The following KCNJ6 variants were observed in gnomAD, a reference collection of about 807,000 sequenced individuals.
KCNJ6 encodes potassium inwardly rectifying channel subfamily J member 6, also known as G protein-activated inward rectifier potassium channel 2.
A neutral mutation model predicts 34.2 loss-of-function variants in KCNJ6; 9 were observed. That is an observed-to-expected ratio of 0.26 (90% CI 0.16 to 0.46). KCNJ6 has a LOEUF of 0.46. KCNJ6 is among the 20% of genes least tolerant of loss of function. The probability of loss-of-function intolerance (pLI) is 1.00; values close to 1 mark genes in which losing one functional copy is unlikely to be tolerated. For synonymous variants in KCNJ6, 196 were observed against 207.1 expected, an observed-to-expected ratio of 0.95 and a Z score of 0.46; for missense variants, 236 against 531.3, an observed-to-expected ratio of 0.44 and a Z score of 5.46.
Position 37,859,485 on chromosome 21 carries a change from CTTTATATATATA to C in KCNJ6, c.-27-18788_-27-18777del, listed in dbSNP as rs1326780523. Among the ~76,000 whole-genome samples, 5 of 20,086 alleles carry C rather than the reference CTTTATATATATA, an allele frequency of 2.5e-4. 1 individual carries two copies. The highest frequency in any genetic ancestry group is 1.0e-3 in the African/African-American group (5 of 4,852). 13.2% of individuals were successfully genotyped at this position (20,086 alleles called of 152,430 possible). On this transcript the variant is annotated intron_variant, in intron 1 of 3. Transcript: ENST00000609713. ...CAATTTTAACTATGGGCTTATATTA[CTTTATATATATA>C]TATATATATATATATATATATATAT...
At chr21:37,903,930 T>A (rs914082308) in intron 1 of KCNJ6, among the ~76,000 whole-genome samples, 1 of 152,184 alleles carries the variant, frequency 6.6e-6, no homozygotes, top group Non-Finnish European at 1.5e-5. Context: ...AAAGGACAAT[T>A]TACTTTATAT....
At chr21:37,887,445 C>G (rs2055741465) in intron 1 of KCNJ6, among the ~76,000 whole-genome samples, 1 of 152,230 alleles carries the variant, frequency 6.6e-6, no homozygotes, top group Non-Finnish European at 1.5e-5. Context: ...AGGCCAGTTA[C>G]TGTTCCAGGT....
chr21:37,729,405 C>A (rs570344098), intron 2 of KCNJ6, among the ~76,000 whole-genome samples: 2 of 152,170 alleles, frequency 1.3e-5, no homozygotes, highest in Admixed American at 1.3e-4. Flanking sequence ...CTCACTGTAG[C>A]CTCAACCTTC....
chr21:37,661,509 A>G (rs896945685), intron 3 of KCNJ6, among the ~76,000 whole-genome samples: 5 of 152,048 alleles, frequency 3.3e-5, no homozygotes, highest in African/African-American at 9.7e-5. Context: ...TAAAGATTGG[A>G]ACAGAAGTAA....
chr21:37,808,024 T>C (rs182298160), intron 2 of KCNJ6, among the ~76,000 whole-genome samples: 10 of 152,288 alleles, frequency 6.6e-5, no homozygotes, highest in African/African-American at 2.2e-4. Context: ...TTATGGCCAA[T>C]TGTGACCCTC....
intron 2 of KCNJ6, among the ~76,000 whole-genome samples, chr21:37,738,494 T>C (rs554126018): frequency 3.9e-5 from 6 of 152,326 alleles, no homozygotes; most frequent in Middle Eastern, 6.8e-3. Context: ...TCACATCTGC[T>C]CTTTTTTAGG....
At chr21:37,673,778 C>T (rs1456412546) in intron 3 of KCNJ6, among the ~76,000 whole-genome samples, 1 of 152,196 alleles carries the variant, frequency 6.6e-6, no homozygotes, top group African/African-American at 2.4e-5. Context: ...AAAAGATGTG[C>T]TGGGCTTTGA....
intron 2 of KCNJ6, among the ~76,000 whole-genome samples, chr21:37,790,206 C>T (rs1034235882): frequency 9.2e-5 from 14 of 152,120 alleles, no homozygotes; most frequent in Admixed American, 8.5e-4. Context: ...TTTTGGGGCA[C>T]AGGGTTGCAA....
intron 2 of KCNJ6, among the ~76,000 whole-genome samples, chr21:37,792,025 T>C (rs959459075): frequency 5.9e-5 from 9 of 152,274 alleles, no homozygotes; most frequent in African/African-American, 9.6e-5. Flanking sequence ...TAAATTGATA[T>C]TGGAGAGATG....
chr21:37,902,043 A>G (rs2055819434), intron 1 of KCNJ6, among the ~76,000 whole-genome samples: 1 of 152,230 alleles, frequency 6.6e-6, no homozygotes. Flanking sequence ...AGCTCATCCC[A>G]TAGAACCACA....
chr21:37,745,539 C>T (rs1606786), intron 2 of KCNJ6, among the ~76,000 whole-genome samples: 74,442 of 151,968 alleles, frequency 0.49, 18,567 homozygotes, highest in South Asian at 0.62. Flanking sequence ...GAAAGGAACA[C>T]AGCCCTGATG....
chr21:37,817,327 C>A (rs1322117558), intron 2 of KCNJ6, among the ~76,000 whole-genome samples: 1 of 152,102 alleles, frequency 6.6e-6, no homozygotes, highest in Non-Finnish European at 1.5e-5. Context: ...TCCTGCACAG[C>A]ACAAGGAGAA....
intron 1 of KCNJ6, among the ~76,000 whole-genome samples, chr21:37,905,216 G>T (rs2123649225): frequency 6.6e-6 from 1 of 152,276 alleles, no homozygotes; most frequent in African/African-American, 2.4e-5. Flanking sequence ...CACATGCTTA[G>T]GGCTTCTTGC....
At chr21:37,739,963 T>C (rs879768258) in intron 2 of KCNJ6, among the ~76,000 whole-genome samples, 5 of 151,636 alleles carry the variant, frequency 3.3e-5, no homozygotes, top group Admixed American at 2.0e-4. Flanking sequence ...AAATGAATCA[T>C]GGTCCCAGCT....
At chr21:37,849,861 T>G (rs909762989) in intron 1 of KCNJ6, among the ~76,000 whole-genome samples, 1 of 152,216 alleles carries the variant, frequency 6.6e-6, no homozygotes, top group African/African-American at 2.4e-5. Flanking sequence ...GGAAATAGTC[T>G]TGACAACTCC....
At chr21:37,826,440 G>A (rs774567785) in intron 2 of KCNJ6, among the ~76,000 whole-genome samples, 17 of 152,068 alleles carry the variant, frequency 1.1e-4, no homozygotes, top group Non-Finnish European at 2.2e-4. Context: ...TCTCTCACTT[G>A]GAATCTCATC....
At chr21:37,647,536 C>T (rs2123383571) in intron 3 of KCNJ6, among the ~76,000 whole-genome samples, 1 of 152,244 alleles carries the variant, frequency 6.6e-6, no homozygotes, top group African/African-American at 2.4e-5. Flanking sequence ...CTCCAGGGTC[C>T]ATACCCCCAA....
At chr21:37,859,898 T>C (rs1382753534) in intron 1 of KCNJ6, among the ~76,000 whole-genome samples, 1 of 152,216 alleles carries the variant, frequency 6.6e-6, no homozygotes. Context: ...TCTGAATTAA[T>C]AGAATGGCTT....
At chr21:37,870,464 C>G (rs914197509) in intron 1 of KCNJ6, among the ~76,000 whole-genome samples, 1 of 152,210 alleles carries the variant, frequency 6.6e-6, no homozygotes, top group Non-Finnish European at 1.5e-5. Flanking sequence ...AGAATTGCCT[C>G]TTGGGATCCA....
Sources: allele counts gnomAD v4.1 joint callset (sites outside exome capture counted in the v4.1 genomes callset), GRCh38; gene constraint gnomAD v4.1.1; transcripts MANE v1.5; gene names NCBI Gene and HGNC (gene_info 2026-07-23, HGNC 2026-07-21).